Variants in BRWD3 observed in about 807,000 individuals in gnomAD.
BRWD3 encodes bromodomain and WD repeat domain containing 3.
BRWD3 carries 10 observed loss-of-function variants against 149.7 expected under a neutral mutation model. The ratio of observed to expected loss-of-function variants is 0.07; its 90% CI spans 0.04 to 0.11. The LOEUF (loss-of-function observed/expected upper bound fraction) is 0.11, where lower values mean the gene tolerates loss of function less well. Among genes scored for constraint, BRWD3 ranks in the 10% least tolerant of loss-of-function variants. The pLI is 1.00. For missense variants in BRWD3, 940 were observed against 1,373.2 expected (o/e 0.68, Z 4.99); for synonymous variants, 504 against 456.7 (o/e 1.10, Z -1.32).
At chrX:80,681,538 AT>A (rs1166201610) in intron 39 of BRWD3, 39 bp from the exon 40 acceptor site, 1 of 1,106,429 alleles carries the variant, frequency 9.0e-7, no homozygotes. Context: ...CATAATTATC[AT>A]GTTTTCAGGA....
At position 80,689,802 on chromosome X, in the gene BRWD3, T is replaced by C. The variant is rs1343116636; in HGVS notation, c.3773A>G (p.Lys1258Arg). The C allele has an allele frequency of 8.3e-7, 1 of 1,203,685 alleles. No homozygotes were observed. Among genetic ancestry groups the C allele is most frequent in the Admixed American group, 2.2e-5 (1 of 45,819 alleles). The change falls in exon 33 of 41, where the codon AAA becomes AGA. Residue 1258 changes from lysine to arginine, a missense_variant. Physicochemically the swap from Lys to Arg is conservative, Grantham distance 26. Transcript: ENST00000373275. ...ATCAGTACTGTTTCGTTCTTCTGCT[T>C]TAATTTTATTATAAGTATCCAGTAT... is the stretch of plus-strand genomic sequence containing the variant. ...TDILDTYNKI[K>R]AEERNSTDAE...
chrX:80,717,549 C>T, intron 19 of BRWD3, 24 bp downstream of exon 19: 1 of 1,195,160 alleles, frequency 8.4e-7, no homozygotes, highest in South Asian at 1.8e-5. Context: ...AAATTTTTTT[C>T]TAAATGTTAC....
intron 21 of BRWD3, 25 bp from the exon 22 acceptor site, chrX:80,707,528 GA>G (rs777139887): frequency 8.6e-7 from 1 of 1,156,700 alleles, no homozygotes; most frequent in Non-Finnish European, 1.2e-6. Context: ...CAGCAATTAA[GA>G]TATATGGATA....
chrX:80,788,474 C>A (rs1473065451), intron 6 of BRWD3, among the ~76,000 whole-genome samples: 1 of 111,472 alleles, frequency 9.0e-6, no homozygotes, highest in Non-Finnish European at 1.9e-5. Flanking sequence ...AGATACCAAC[C>A]GACAGTATCA....
At chrX:80,808,745 A>C (rs2074376037) in intron 3 of BRWD3, 147 bp from the exon 4 acceptor site, 1 of 246,874 alleles carries the variant, frequency 4.1e-6, no homozygotes, top group African/African-American at 4.4e-5. Context: ...ATTGGCTCAG[A>C]GCTAGACAAG....
intron 20 of BRWD3, among the ~76,000 whole-genome samples, chrX:80,712,060 G>A (rs767325042): frequency 1.6e-3 from 175 of 111,791 alleles, no homozygotes; most frequent in African/African-American, 5.6e-3. Context: ...GAGGTAAAAA[G>A]TATCTTTAGA....
At chrX:80,710,991 T>C (rs2072956016) in intron 20 of BRWD3, among the ~76,000 whole-genome samples, 1 of 109,446 alleles carries the variant, frequency 9.1e-6, no homozygotes, top group Admixed American at 9.8e-5. Context: ...TAAAATAAAA[T>C]TGTTTCACCT....
At chrX:80,765,983 G>A (rs2073854289) in intron 6 of BRWD3, among the ~76,000 whole-genome samples, 1 of 111,885 alleles carries the variant, frequency 8.9e-6, no homozygotes, top group Non-Finnish European at 1.9e-5. Flanking sequence ...GTTGACAAAG[G>A]GTGAATTTGT....
chrX:80,744,064 G>C lies in BRWD3; in HGVS notation c.781C>G (p.Gln261Glu). Reference protein sequence around the residue: ...LRTCAPVAVLQGHSASITSIQ... With the variant: ...LRTCAPVAVLEGHSASITSIQ... ...GAAGTAATAGAAGCTGAATGGCCCT[G>C]AAGGACTGCAACGGGTGCACAAGTT... Residue 261 changes from glutamine (Q) to glutamate (E), a missense_variant, in exon 8 of 41, where the codon CAG becomes GAG. Gln to Glu is a conservative substitution (Grantham distance 29). Transcript: ENST00000373275. 1 of 1,211,038 alleles carries C rather than the reference G, an allele frequency of 8.3e-7. No individual in the cohort carries two copies. The highest frequency in any genetic ancestry group is 1.1e-6 in the Non-Finnish European group (1 of 894,921).
chrX:80,791,012 G>A (rs917642809), intron 6 of BRWD3, among the ~76,000 whole-genome samples: 2 of 111,758 alleles, frequency 1.8e-5, no homozygotes, highest in African/African-American at 6.5e-5. Context: ...CAATTTCCCT[G>A]AATAAGTCCT....
chrX:80,793,977 G>A (rs767386364), intron 4 of BRWD3, among the ~76,000 whole-genome samples: 2 of 111,117 alleles, frequency 1.8e-5, no homozygotes, highest in Non-Finnish European at 3.8e-5. Context: ...TCAGAAATTC[G>A]AGACCAGCGT....
At chrX:80,808,078 C>G (rs1233581489) in intron 4 of BRWD3, among the ~76,000 whole-genome samples, 1 of 90,665 alleles carries the variant, frequency 1.1e-5, no homozygotes, top group African/African-American at 4.0e-5. Flanking sequence ...CCGCCCCCCC[C>G]AAAAAAGACC....
At chrX:80,766,030 A>G (rs763673567) in intron 6 of BRWD3, among the ~76,000 whole-genome samples, 1 of 112,335 alleles carries the variant, frequency 8.9e-6, no homozygotes, top group Non-Finnish European at 1.9e-5. Context: ...GGGTCACAGA[A>G]TGCCCAAACA....
At chrX:80,713,422 G>T (rs2073022788) in intron 20 of BRWD3, among the ~76,000 whole-genome samples, 2 of 111,864 alleles carry the variant, frequency 1.8e-5, no homozygotes, top group Middle Eastern at 4.6e-3. Flanking sequence ...AACATGTGCT[G>T]TGTCCACTCA....
At chrX:80,808,945 CT>C (rs2147876283) in intron 3 of BRWD3, 67 bp downstream of exon 3, 1 of 1,119,771 alleles carries the variant, frequency 8.9e-7, no homozygotes, top group East Asian at 3.2e-5. Context: ...TCTTCCGCCC[CT>C]GACTTGCCCT....
intron 6 of BRWD3, among the ~76,000 whole-genome samples, chrX:80,772,813 T>C (rs2073960093): frequency 9.0e-6 from 1 of 111,646 alleles, no homozygotes; most frequent in African/African-American, 3.3e-5. Context: ...GCTTTATTTA[T>C]AATAGCCAAA....
chrX:80,789,944 C>G (rs1481437327), intron 6 of BRWD3, among the ~76,000 whole-genome samples: 1 of 106,729 alleles, frequency 9.4e-6, no homozygotes, highest in East Asian at 3.0e-4. Flanking sequence ...TCTGGGAGAC[C>G]AAGGCGGGTG....
intron 16 of BRWD3, among the ~76,000 whole-genome samples, chrX:80,723,466 C>CAGG (rs2073178288): frequency 1.8e-5 from 2 of 110,708 alleles, no homozygotes; most frequent in African/African-American, 3.3e-5. Context: ...AATTACTCTC[C>CAGG]TATTATACCT....
At chrX:80,786,798 C>T (rs2147847987) in intron 6 of BRWD3, among the ~76,000 whole-genome samples, 1 of 112,284 alleles carries the variant, frequency 8.9e-6, no homozygotes, top group South Asian at 3.6e-4. Context: ...GCGTAAGCCA[C>T]AGCGCCCAGC....
Sources: allele counts gnomAD v4.1 joint callset (sites outside exome capture counted in the v4.1 genomes callset), GRCh38; gene constraint gnomAD v4.1.1; transcripts MANE v1.5; gene names NCBI Gene and HGNC (gene_info 2026-07-23, HGNC 2026-07-21).